SLC6A11: variants seen among roughly 807,000 people sequenced by gnomAD.
SLC6A11 encodes the protein sodium- and chloride-dependent GABA transporter 3.
A neutral mutation model predicts 74.8 loss-of-function variants in SLC6A11; 25 were observed. The ratio of observed to expected loss-of-function variants is 0.33; its 90% CI spans 0.24 to 0.47. SLC6A11 has a LOEUF of 0.47. Ranked by LOEUF, SLC6A11 falls within the 20% of genes least tolerant of loss-of-function variation. The pLI is 1.00. For synonymous variants in SLC6A11, 330 were observed against 330.2 expected (o/e 1.00, Z 0.01); for missense variants, 574 against 837.0 (o/e 0.69, Z 3.88).
intron 13 of SLC6A11, 36 bp downstream of exon 13, chr3:10,935,235 AGGGTTCGCGCCTT>A: frequency 1.9e-6 from 3 of 1,603,070 alleles, no homozygotes; most frequent in Non-Finnish European, 2.6e-6. Context: ...GCGTTTGGGC[AGGGTTCGCGCCTT>A]GGGTCCCAGT....
chr3:10,856,825 C>G (rs1694643907), intron 5 of SLC6A11, among the ~76,000 whole-genome samples: 1 of 152,202 alleles, frequency 6.6e-6, no homozygotes, highest in African/African-American at 2.4e-5. Context: ...AATGGTTGCT[C>G]TGTTTCCACG....
chr3:10,854,111 A>T (rs1694609534), intron 5 of SLC6A11, among the ~76,000 whole-genome samples: 1 of 152,210 alleles, frequency 6.6e-6, no homozygotes, highest in Middle Eastern at 3.2e-3. Flanking sequence ...TAAGCAAAAG[A>T]ATAGTCTTGC....
chr3:10,816,239 C>G lies in SLC6A11; in HGVS notation c.-27C>G. 7.8e-7 allele frequency: 1 copy of G among 1,288,162 alleles called. No homozygotes were observed. The highest frequency in any genetic ancestry group is 9.8e-7 in the Non-Finnish European group (1 of 1,021,788). The allele number at this position is 1,288,162 out of a possible 1,614,324, so 79.8% of individuals were successfully genotyped here. A position where few individuals can be genotyped will look rare whatever the true frequency, so the allele number is the denominator to read the frequency against. Reference sequence around the variant, plus strand: ...CCCGGGGCGGCGGCGCAGAGCCGGGCCGGCGCACGAGGCAGCCAGCGCGGC... The same window carrying G: ...CCCGGGGCGGCGGCGCAGAGCCGGGGCGGCGCACGAGGCAGCCAGCGCGGC... On this transcript the variant is annotated 5_prime_UTR_variant, in exon 1 of 14. Coordinates refer to ENST00000254488, the MANE Select transcript of SLC6A11 (RefSeq NM_014229.3). This position sits in a 1 kb window ranked among gnomAD's most constrained non-coding sequence, Gnocchi z 4.2.
chr3:10,830,069 A>C (rs1285749149), intron 4 of SLC6A11, among the ~76,000 whole-genome samples: 1 of 152,176 alleles, frequency 6.6e-6, no homozygotes, highest in Non-Finnish European at 1.5e-5. Flanking sequence ...GGAAAAAAAA[A>C]ACAAAAAGAG....
rs1415956507 is a variant in SLC6A11 at position 10,834,374 on chromosome 3, G to T, written c.624-9840G>T. The stretch of plus-strand genomic sequence containing the variant: ...TTTGTTTTTTTTTTCAGCAGATGGG[G>T]AATATATTTCATAGGAAAAGGGAGG... On this transcript the variant is annotated intron_variant, in intron 4 of 13. Coordinates refer to ENST00000254488, the MANE Select transcript of SLC6A11 (RefSeq NM_014229.3). Among the ~76,000 whole-genome samples the T allele has an allele frequency of 2.0e-5, 3 of 151,556 alleles. No individual in the cohort carries two copies. In the East Asian group the frequency reaches 5.8e-4, roughly 29 times the overall value.
At chr3:10,826,668 T>G (rs892203581) in intron 4 of SLC6A11, among the ~76,000 whole-genome samples, 1 of 152,218 alleles carries the variant, frequency 6.6e-6, no homozygotes, top group Non-Finnish European at 1.5e-5. Flanking sequence ...TTAATATTTA[T>G]AAACTAGATG....
chr3:10,924,618 CAT>C (rs1007204796), intron 8 of SLC6A11, among the ~76,000 whole-genome samples: 3 of 151,650 alleles, frequency 2.0e-5, no homozygotes, highest in African/African-American at 7.3e-5. Context: ...ACATCCTAAA[CAT>C]ATAAAGAACG....
chr3:10,844,145 C>T (rs1694472955), intron 4 of SLC6A11, 69 bp from the exon 5 acceptor site: 6 of 1,592,338 alleles, frequency 3.8e-6, no homozygotes, highest in African/African-American at 2.7e-5. Context: ...CCCTGCTCCT[C>T]TGCAGTACTA....
At chr3:10,833,189 G>A (rs1189066162) in intron 4 of SLC6A11, among the ~76,000 whole-genome samples, 1 of 152,152 alleles carries the variant, frequency 6.6e-6, no homozygotes, top group Non-Finnish European at 1.5e-5. Context: ...AACCTCCCAA[G>A]TAGCTAGGAT....
rs909946214 is a variant in SLC6A11 at position 10,926,237 on chromosome 3, C to T, written c.1233+121C>T. On this transcript the variant is annotated intron_variant, in intron 9 of 13. Coordinates refer to ENST00000254488, the MANE Select transcript of SLC6A11 (RefSeq NM_014229.3). This position sits in a 1 kb window ranked among gnomAD's most constrained non-coding sequence, Gnocchi z 5.7. ...CTCCCACCTGGCCCTGGCATCAGGG[C>T]CCTGCCCACCGTCCCCCATTCCACC... The T allele has an allele frequency of 6.1e-6, 4 of 655,168 alleles. No homozygotes were observed. The highest frequency in any genetic ancestry group is 1.8e-5 in the African/African-American group (1 of 54,940). The allele number at this position is 655,168 out of a possible 1,614,324, so 40.6% of individuals were successfully genotyped here. A position where few individuals can be genotyped will look rare whatever the true frequency, so the allele number is the denominator to read the frequency against.
chr3:10,872,615 C>T (rs1694840712), intron 5 of SLC6A11, among the ~76,000 whole-genome samples: 1 of 152,198 alleles, frequency 6.6e-6, no homozygotes, highest in Non-Finnish European at 1.5e-5. Flanking sequence ...AATTTCCCTC[C>T]TGTGATTCAG....
At chr3:10,914,231 G>T (rs1298380857) in intron 7 of SLC6A11, among the ~76,000 whole-genome samples, 2 of 152,140 alleles carry the variant, frequency 1.3e-5, no homozygotes, top group African/African-American at 4.8e-5. Context: ...GGTGGAGGTG[G>T]TACCTTGCTA....
intron 6 of SLC6A11, among the ~76,000 whole-genome samples, chr3:10,879,708 CT>C (rs1278303974): frequency 1.3e-5 from 2 of 152,022 alleles, no homozygotes; most frequent in Non-Finnish European, 2.9e-5. Context: ...GGCTTTATTG[CT>C]ATTATTGCTA....
At chr3:10,896,112 G>A (rs1189518130) in intron 6 of SLC6A11, among the ~76,000 whole-genome samples, 1 of 152,252 alleles carries the variant, frequency 6.6e-6, no homozygotes, top group Admixed American at 6.5e-5. Flanking sequence ...GCTGGGCAGG[G>A]CCAGCTGTTG....
intron 6 of SLC6A11, among the ~76,000 whole-genome samples, chr3:10,910,981 C>T (rs113047103): frequency 0.017 from 2,605 of 152,168 alleles, 82 homozygotes; most frequent in African/African-American, 0.06. Flanking sequence ...GCCACCACAC[C>T]TGGCTAATTT....
intron 4 of SLC6A11, among the ~76,000 whole-genome samples, chr3:10,838,018 C>G (rs1465502401): frequency 6.6e-6 from 1 of 152,238 alleles, no homozygotes; most frequent in Non-Finnish European, 1.5e-5. Context: ...TATAGCTCAG[C>G]CCCTCAGCGC....
At chr3:10,854,944 C>T (rs761947383) in intron 5 of SLC6A11, among the ~76,000 whole-genome samples, 4 of 151,198 alleles carry the variant, frequency 2.6e-5, no homozygotes, top group Non-Finnish European at 5.9e-5. Flanking sequence ...TGGATGGGTG[C>T]GTGAGTAGAT....
intron 4 of SLC6A11, among the ~76,000 whole-genome samples, chr3:10,837,167 A>G (rs571865524): frequency 7.6e-4 from 115 of 152,194 alleles, no homozygotes; most frequent in Non-Finnish European, 1.2e-3. Context: ...GATGGTTAGA[A>G]TATAGATAAC....
At chr3:10,878,723 T>G (rs1311572660) in intron 6 of SLC6A11, among the ~76,000 whole-genome samples, 1 of 152,050 alleles carries the variant, frequency 6.6e-6, no homozygotes, top group Admixed American at 6.5e-5. Flanking sequence ...CACTCATCCT[T>G]TAGGACTGAG....
Sources: gnomAD v4.1 joint callset for allele counts (sites outside exome capture counted in the v4.1 genomes callset) on GRCh38, gnomAD v4.1.1 for gene constraint, Gnocchi (gnomAD v3.1) non-coding constraint, MANE v1.5 for transcripts, NCBI Gene and HGNC (gene_info 2026-07-23, HGNC 2026-07-21) for gene names.